Variants in RBFOX3 observed in about 807,000 individuals in gnomAD.
RBFOX3 encodes RNA binding protein fox-1 homolog 3.
Under a neutral mutation model 48.7 loss-of-function variants are expected in RBFOX3, and 17 were observed. That is an observed-to-expected ratio of 0.35 (90% CI 0.24 to 0.52). The LOEUF (loss-of-function observed/expected upper bound fraction) is 0.52, where lower values mean the gene tolerates loss of function less well. Ranked by LOEUF, RBFOX3 falls within the 20% of genes least tolerant of loss-of-function variation. The pLI is 0.94. For synonymous variants in RBFOX3, 212 were observed against 209.5 expected (o/e 1.01, Z -0.10); for missense variants, 382 against 497.5 (o/e 0.77, Z 2.21).
At chr17:79,380,052 A>C (rs1598442866) in intron 2 of RBFOX3, among the ~76,000 whole-genome samples, 1 of 149,936 alleles carries the variant, frequency 6.7e-6, no homozygotes, top group Non-Finnish European at 1.5e-5. Flanking sequence ...TCTGTTAGTC[A>C]CCTCCCACAG....
At chr17:79,328,960 G>C (rs771756227) in intron 2 of RBFOX3, among the ~76,000 whole-genome samples, 3 of 152,180 alleles carry the variant, frequency 2.0e-5, no homozygotes, top group Non-Finnish European at 2.9e-5. Flanking sequence ...TGCAGGCAGA[G>C]AGCTGAATCA....
At chr17:79,291,152 G>A (rs73411835) in intron 3 of RBFOX3, among the ~76,000 whole-genome samples, 2 of 152,364 alleles carry the variant, frequency 1.3e-5, no homozygotes, top group African/African-American at 4.8e-5. Flanking sequence ...TCAAAAATGA[G>A]TCAAAGTTTA....
At chr17:79,407,416 G>C (rs2063693388) in intron 2 of RBFOX3, among the ~76,000 whole-genome samples, 1 of 152,252 alleles carries the variant, frequency 6.6e-6, no homozygotes, top group Admixed American at 6.5e-5. Flanking sequence ...TGTTAAAAGA[G>C]GCTTCCCCTG....
intron 4 of RBFOX3, among the ~76,000 whole-genome samples, chr17:79,178,975 C>T (rs2051237288): frequency 1.3e-5 from 2 of 152,164 alleles, no homozygotes; most frequent in Admixed American, 1.3e-4. Context: ...CCTCCGCTGG[C>T]CAGTGGTGGG....
At chr17:79,280,260 C>A (rs2070060370) in intron 3 of RBFOX3, among the ~76,000 whole-genome samples, 1 of 151,858 alleles carries the variant, frequency 6.6e-6, no homozygotes, top group Admixed American at 6.6e-5. Flanking sequence ...CATGCACACA[C>A]CCTCCACACA....
chr17:79,123,767 C>T (rs558598749), intron 4 of RBFOX3, among the ~76,000 whole-genome samples: 6 of 152,132 alleles, frequency 3.9e-5, no homozygotes, highest in African/African-American at 1.4e-4. Flanking sequence ...GGCAGGCAGG[C>T]GGCAGGCAGT....
At chr17:79,240,986 A>ATT (rs34588470) in intron 3 of RBFOX3, among the ~76,000 whole-genome samples, 22 of 150,782 alleles carry the variant, frequency 1.5e-4, no homozygotes, top group Non-Finnish European at 5.9e-5. Context: ...TTAAAAAAAA[A>ATT]TTTTTTTTGA....
intron 2 of RBFOX3, among the ~76,000 whole-genome samples, chr17:79,435,430 C>T (rs577434345): frequency 6.6e-5 from 10 of 152,366 alleles, no homozygotes; most frequent in African/African-American, 2.4e-4. Context: ...CAGGCTTGTC[C>T]CCATGCAGGA....
At chr17:79,179,009 A>G (rs1259744876) in intron 4 of RBFOX3, among the ~76,000 whole-genome samples, 1 of 152,040 alleles carries the variant, frequency 6.6e-6, no homozygotes, top group East Asian at 1.9e-4. Flanking sequence ...ACCCATGCTG[A>G]CCCGCGAGCC....
chr17:79,326,365 C>T (rs535148062), intron 2 of RBFOX3, among the ~76,000 whole-genome samples: 5 of 152,328 alleles, frequency 3.3e-5, no homozygotes, highest in South Asian at 2.1e-4. Flanking sequence ...CCCAGGATCA[C>T]GCAGAGGGCT....
At chr17:79,109,524 GCCTATGCTAGA>G (rs2029880742) in intron 5 of RBFOX3, among the ~76,000 whole-genome samples, 1 of 152,240 alleles carries the variant, frequency 6.6e-6, no homozygotes, top group Non-Finnish European at 1.5e-5. Context: ...CAGAAAGCAA[GCCTATGCTAGA>G]CCTCCGGAGG....
Position 79,163,508 on chromosome 17 carries a change from G to A in RBFOX3, c.-33-47760C>T, listed in dbSNP as rs373745574. Among the ~76,000 whole-genome samples, 7 of 152,368 alleles carry A rather than the reference G, an allele frequency of 4.6e-5. No homozygotes were observed. The South Asian group carries it at 1.4e-3, about 32-fold the overall frequency. ...TTTGCAGAGATCCTGTCATTCAGGAGAACATTCTTCCCCAGAAACCCTGGC... is the reference window on the plus strand; with the variant it reads ...TTTGCAGAGATCCTGTCATTCAGGAAAACATTCTTCCCCAGAAACCCTGGC... On this transcript the variant is annotated intron_variant, in intron 4 of 14. Coordinates refer to ENST00000693108, the MANE Select transcript of RBFOX3 (RefSeq NM_001350451.2).
At chr17:79,523,925 T>TTTC (rs2086464897) in intron 1 of RBFOX3, among the ~76,000 whole-genome samples, 1 of 152,130 alleles carries the variant, frequency 6.6e-6, no homozygotes, top group South Asian at 2.1e-4. Context: ...CCTGGCCACC[T>TTTC]CGGTGGCACT....
intron 1 of RBFOX3, among the ~76,000 whole-genome samples, chr17:79,579,052 C>T (rs2092956993): frequency 6.6e-6 from 1 of 152,200 alleles, no homozygotes; most frequent in South Asian, 2.1e-4. Flanking sequence ...CATGCGTCTC[C>T]GTCGCGTTCC....
intron 14 of RBFOX3, among the ~76,000 whole-genome samples, chr17:79,093,911 G>A (rs1005757562): frequency 6.6e-6 from 1 of 152,126 alleles, no homozygotes; most frequent in Non-Finnish European, 1.5e-5. Flanking sequence ...AGCAGGCACT[G>A]TTTCCCCAGG....
the RBFOX3 span, among the ~76,000 whole-genome samples, chr17:79,654,897 A>G: frequency 2.0e-5 from 3 of 152,222 alleles, no homozygotes; most frequent in Non-Finnish European, 4.4e-5. Context: ...CTGCTTCCAC[A>G]AAGCGAGCCT....
At chr17:79,383,927 T>C (rs2060243626) in intron 2 of RBFOX3, among the ~76,000 whole-genome samples, 3 of 151,850 alleles carry the variant, frequency 2.0e-5, no homozygotes, top group African/African-American at 7.3e-5. Flanking sequence ...TGGCAAGGAA[T>C]GTCAGAGGGG....
At chr17:79,414,627 G>A (rs762274208) in intron 2 of RBFOX3, among the ~76,000 whole-genome samples, 6 of 152,234 alleles carry the variant, frequency 3.9e-5, no homozygotes, top group South Asian at 2.1e-4. Flanking sequence ...TCCAGGCTGC[G>A]GACTCAGAAA....
chr17:79,267,984 T>G (rs1438908207), intron 3 of RBFOX3, among the ~76,000 whole-genome samples: 1 of 152,174 alleles, frequency 6.6e-6, no homozygotes, highest in Non-Finnish European at 1.5e-5. Flanking sequence ...ATACCCCCAC[T>G]ATAGAATTCA....
Sources: allele counts gnomAD v4.1 joint callset (sites outside exome capture counted in the v4.1 genomes callset), GRCh38; gene constraint gnomAD v4.1.1; transcripts MANE v1.5; gene names NCBI Gene and HGNC (gene_info 2026-07-23, HGNC 2026-07-21).